The following TMCC1 variants were observed in gnomAD, a reference collection of about 807,000 sequenced individuals.
TMCC1 encodes transmembrane and coiled-coil domains protein 1.
In TMCC1, 15 loss-of-function variants were observed where a neutral mutation model predicts 52.4. The ratio of observed to expected loss-of-function variants is 0.29; its 90% CI spans 0.19 to 0.44. The LOEUF (loss-of-function observed/expected upper bound fraction) is 0.44, where lower values mean the gene tolerates loss of function less well. Among genes scored for constraint, TMCC1 ranks in the 20% least tolerant of loss-of-function variants. The pLI is 1.00. For missense variants in TMCC1, 503 were observed against 806.0 expected (o/e 0.62, Z 4.55); for synonymous variants, 279 against 301.9 (o/e 0.92, Z 0.79).
intron 4 of TMCC1, among the ~76,000 whole-genome samples, chr3:129,715,892 A>G (rs1271405378): frequency 1.3e-5 from 2 of 152,170 alleles, no homozygotes; most frequent in East Asian, 1.9e-4. Context: ...GAGTACCTCC[A>G]TCTAAGAGAC....
At position 129,686,796 on chromosome 3, in the gene TMCC1, C is replaced by T. The variant is rs569417207; in HGVS notation, c.577-15532G>A. Among the ~76,000 whole-genome samples, 31 of 152,230 alleles carry T rather than the reference C, an allele frequency of 2.0e-4. 1 individual carries two copies. The South Asian group carries it at 5.2e-3, about 25-fold the overall frequency. ...TTCTTTTAACAAGAACACATTTGAA[C>T]TGAGTCCTCAAAGATAGAAAAGGAG... On this transcript the variant is annotated intron_variant, in intron 4 of 6. Coordinates refer to ENST00000393238, the MANE Select transcript of TMCC1 (RefSeq NM_001017395.5).
intron 2 of TMCC1, among the ~76,000 whole-genome samples, chr3:129,865,249 C>T (rs2060569311): frequency 1.3e-5 from 2 of 152,212 alleles, no homozygotes; most frequent in Non-Finnish European, 1.5e-5. Context: ...GCAACCTCCA[C>T]CTCCCAGGCT....
chr3:129,757,450 C>A (rs745697050), intron 4 of TMCC1, among the ~76,000 whole-genome samples: 39 of 152,172 alleles, frequency 2.6e-4, no homozygotes, highest in Non-Finnish European at 4.4e-4. Flanking sequence ...TATAACCCTT[C>A]CCTGCCAACC....
chr3:129,737,081 C>A (rs1271343944), intron 4 of TMCC1, among the ~76,000 whole-genome samples: 1 of 152,180 alleles, frequency 6.6e-6, no homozygotes, highest in South Asian at 2.1e-4. Flanking sequence ...AACCTAATAC[C>A]CAATGTGATA....
chr3:129,662,752 T>C (rs2087140347), intron 5 of TMCC1, among the ~76,000 whole-genome samples: 1 of 152,166 alleles, frequency 6.6e-6, no homozygotes, highest in African/African-American at 2.4e-5. Context: ...GGCTGGCAAA[T>C]GATGTTCACG....
At chr3:129,748,291 TTTG>T (rs527508552) in intron 4 of TMCC1, among the ~76,000 whole-genome samples, 11 of 152,068 alleles carry the variant, frequency 7.2e-5, no homozygotes, top group Non-Finnish European at 1.2e-4. Flanking sequence ...GATTTGGGTT[TTTG>T]TTGTTGTTGT....
chr3:129,855,810 T>C (rs1039439066), intron 2 of TMCC1, among the ~76,000 whole-genome samples: 19 of 152,180 alleles, frequency 1.2e-4, no homozygotes, highest in African/African-American at 4.3e-4. Flanking sequence ...GTCATAAAAA[T>C]AGTAGATATT....
chr3:129,788,657 A>G (rs1344858555), intron 4 of TMCC1, among the ~76,000 whole-genome samples: 1 of 151,084 alleles, frequency 6.6e-6, no homozygotes, highest in Admixed American at 6.6e-5. Flanking sequence ...TTTAGTAGAG[A>G]CGGGGTTTCA....
chr3:129,819,848 C>A (rs527936921), intron 4 of TMCC1: 9 of 152,046 alleles, frequency 5.9e-5, no homozygotes, highest in Admixed American at 2.6e-4. Flanking sequence ...GAAGATGACA[C>A]AAAAACTCGT....
chr3:129,824,748 C>G (rs1383673946), intron 4 of TMCC1, among the ~76,000 whole-genome samples: 8 of 151,880 alleles, frequency 5.3e-5, no homozygotes, highest in Non-Finnish European at 1.5e-5. Context: ...TATTAAAGGC[C>G]TATAAGACAT....
chr3:129,684,389 C>T (rs909382593), intron 4 of TMCC1, among the ~76,000 whole-genome samples: 1 of 152,212 alleles, frequency 6.6e-6, no homozygotes, highest in Non-Finnish European at 1.5e-5. Context: ...CATTTCTATA[C>T]TCTGTTGATG....
intron 2 of TMCC1, among the ~76,000 whole-genome samples, chr3:129,879,440 T>TA (rs200829220): frequency 3.7e-4 from 56 of 150,610 alleles, no homozygotes; most frequent in East Asian, 1.4e-3. Context: ...GACGTTGTCT[T>TA]AAAAAAAAAG....
At chr3:129,675,038 C>T (rs549595305) in intron 4 of TMCC1, among the ~76,000 whole-genome samples, 40 of 152,226 alleles carry the variant, frequency 2.6e-4, no homozygotes, top group African/African-American at 8.9e-4. Flanking sequence ...CGGGGTTTCA[C>T]CATGTTGCCC....
chr3:129,698,879 G>A (rs2047608484), intron 4 of TMCC1, among the ~76,000 whole-genome samples: 2 of 152,096 alleles, frequency 1.3e-5, no homozygotes, highest in South Asian at 2.1e-4. Flanking sequence ...GCAAATCCCT[G>A]CTTTATTTTA....
chr3:129,726,896 A>AAAAAAAAAAAAAAAAG, intron 4 of TMCC1, among the ~76,000 whole-genome samples: 2 of 143,466 alleles, frequency 1.4e-5, no homozygotes, highest in Non-Finnish European at 3.1e-5. Flanking sequence ...AAAAAAAAAA[A>AAAAAAAAAAAAAAAAG]AAGAACCACT....
chr3:129,806,587 G>A (rs2107784918), intron 4 of TMCC1, among the ~76,000 whole-genome samples: 1 of 152,314 alleles, frequency 6.6e-6, no homozygotes, highest in East Asian at 1.9e-4. Context: ...TCAAATAGGA[G>A]AAGGAAGCCA....
intron 4 of TMCC1, among the ~76,000 whole-genome samples, chr3:129,738,487 G>A (rs1017204143): frequency 2.0e-5 from 3 of 149,792 alleles, no homozygotes; most frequent in Non-Finnish European, 4.4e-5. Context: ...TTCCAAACAG[G>A]AATTTAAAAT....
rs397991084 is a variant in TMCC1 at position 129,854,409 on chromosome 3, A to AG, written c.-183-21584dup. On this transcript the variant is annotated intron_variant, in intron 2 of 6. Transcript: ENST00000393238. ...TGTCAAAAAAAAAAGAAAAAAAAAAAGAAAATCTGACTATGTCCTTTCTTG... is the reference window on the plus strand; with the variant it reads ...TGTCAAAAAAAAAAGAAAAAAAAAAAGGAAAATCTGACTATGTCCTTTCTTG... Among the ~76,000 whole-genome samples the AG allele has an allele frequency of 4.5e-3, 679 of 150,900 alleles. 8 individuals are homozygous for AG. The highest frequency in any genetic ancestry group is 0.016 in the African/African-American group (645 of 41,134).
chr3:129,800,652 A>G (rs1313479666), intron 4 of TMCC1, among the ~76,000 whole-genome samples: 2 of 80,492 alleles, frequency 2.5e-5, no homozygotes, highest in Non-Finnish European at 9.6e-5. Context: ...CTCATTTTCT[A>G]TATATCCATC....
Sources: allele counts gnomAD v4.1 joint callset (sites outside exome capture counted in the v4.1 genomes callset), GRCh38; gene constraint gnomAD v4.1.1; transcripts MANE v1.5; gene names NCBI Gene and HGNC (gene_info 2026-07-23, HGNC 2026-07-21).